SPECC1: variants seen among roughly 807,000 people sequenced by gnomAD.
The protein encoded by SPECC1 is cytospin-B.
Under a neutral mutation model 104.1 loss-of-function variants are expected in SPECC1, and 62 were observed. The ratio of observed to expected loss-of-function variants is 0.60; its 90% CI spans 0.49 to 0.74. The LOEUF (loss-of-function observed/expected upper bound fraction) is 0.74. Among genes scored for constraint, SPECC1 ranks in the 30% least tolerant of loss-of-function variants. The pLI, the probability that SPECC1 is intolerant of heterozygous loss-of-function variation, is 0.00. For missense variants in SPECC1, 1,306 were observed against 1,310.5 expected (o/e 1.00, Z 0.05); for synonymous variants, 513 against 501.6 (o/e 1.02, Z -0.30).
intron 1 of SPECC1, among the ~76,000 whole-genome samples, chr17:20,051,064 TTCTTTTTCTTTCTTTCTTTCTTTCTTTC>T (rs1567813171): frequency 2.3e-5 from 3 of 129,514 alleles, no homozygotes; most frequent in African/African-American, 5.4e-5. Flanking sequence ...CTTTCTTTCT[TTCTTTTTCTTTCTTTCTTTCTTTCTTTC>T]TTTCTTTCTT....
chr17:20,218,846 C>G (rs572341862), intron 4 of SPECC1, among the ~76,000 whole-genome samples: 1 of 152,266 alleles, frequency 6.6e-6, no homozygotes, highest in East Asian at 1.9e-4. Flanking sequence ...TACTCTCTAT[C>G]TTCATGAGTT....
intron 1 of SPECC1, among the ~76,000 whole-genome samples, chr17:20,068,561 A>T (rs1161641756): frequency 6.6e-6 from 1 of 152,192 alleles, no homozygotes; most frequent in Non-Finnish European, 1.5e-5. Context: ...GGACTCCCCA[A>T]ACTGTTTTTC....
At chr17:20,122,007 A>C (rs911332438) in intron 3 of SPECC1, among the ~76,000 whole-genome samples, 1 of 152,242 alleles carries the variant, frequency 6.6e-6, no homozygotes, top group African/African-American at 2.4e-5. Flanking sequence ...CCCTGCCTTC[A>C]TAAAGGTACA....
At chr17:20,026,399 A>G (rs184871022) in intron 1 of SPECC1, among the ~76,000 whole-genome samples, 1 of 152,262 alleles carries the variant, frequency 6.6e-6, no homozygotes, top group African/African-American at 2.4e-5. Context: ...CTCGCCCTAC[A>G]GTTCTATAGA....
chr17:20,074,600 G>A (rs1475992165), intron 1 of SPECC1, among the ~76,000 whole-genome samples: 4 of 152,112 alleles, frequency 2.6e-5, no homozygotes, highest in African/African-American at 9.7e-5. Flanking sequence ...ACCCCTTCTC[G>A]ATAGAATGCT....
intron 1 of SPECC1, among the ~76,000 whole-genome samples, chr17:20,046,174 G>C (rs1180143196): frequency 6.6e-6 from 1 of 151,960 alleles, no homozygotes; most frequent in African/African-American, 2.4e-5. Flanking sequence ...CTTGAACTCT[G>C]GTCTCAAGTG....
At chr17:20,182,803 C>G (rs2034998958) in intron 3 of SPECC1, among the ~76,000 whole-genome samples, 1 of 152,180 alleles carries the variant, frequency 6.6e-6, no homozygotes, top group Non-Finnish European at 1.5e-5. Context: ...GATACCTGCA[C>G]TGCCTGTTAA....
chr17:20,019,855 CACT>C (rs2044302398), intron 1 of SPECC1, among the ~76,000 whole-genome samples: 1 of 37,992 alleles, frequency 2.6e-5, no homozygotes, highest in African/African-American at 1.3e-4. Context: ...GGCCTTTCAT[CACT>C]GGCTTCTTTG....
chr17:20,134,051 A>C (rs551727112), intron 3 of SPECC1, among the ~76,000 whole-genome samples: 1 of 151,692 alleles, frequency 6.6e-6, no homozygotes, highest in African/African-American at 2.4e-5. Flanking sequence ...GTATTACTTC[A>C]TATAATGTTT....
At chr17:20,212,481 A>T (rs1452914502) in intron 4 of SPECC1, among the ~76,000 whole-genome samples, 1 of 152,254 alleles carries the variant, frequency 6.6e-6, no homozygotes, top group Non-Finnish European at 1.5e-5. Flanking sequence ...ATGGTGGCAG[A>T]CAAAATAAGA....
intron 3 of SPECC1, among the ~76,000 whole-genome samples, chr17:20,163,006 C>T (rs1464176795): frequency 6.6e-6 from 1 of 151,746 alleles, no homozygotes; most frequent in East Asian, 1.9e-4. Flanking sequence ...CCAGCTTGGG[C>T]AACAAGAGCA....
chr17:20,028,103 A>G (rs961708477), intron 1 of SPECC1, among the ~76,000 whole-genome samples: 2 of 152,164 alleles, frequency 1.3e-5, no homozygotes, highest in South Asian at 4.1e-4. Context: ...ATATGGTGTG[A>G]TGGAGGGTCC....
At chr17:20,274,341 C>T (rs1480768652) in intron 12 of SPECC1, among the ~76,000 whole-genome samples, 4 of 152,308 alleles carry the variant, frequency 2.6e-5, no homozygotes, top group East Asian at 3.9e-4. Flanking sequence ...TGCGGCACAG[C>T]GCCCTGGGCC....
intron 1 of SPECC1, among the ~76,000 whole-genome samples, chr17:20,057,500 G>A (rs1453332483): frequency 3.9e-5 from 6 of 152,136 alleles, no homozygotes; most frequent in South Asian, 4.2e-4. Context: ...TTTTTTGTTT[G>A]TTTTTGTTTT....
At chr17:20,061,584 A>G (rs991590594) in intron 1 of SPECC1, among the ~76,000 whole-genome samples, 1 of 152,236 alleles carries the variant, frequency 6.6e-6, no homozygotes, top group East Asian at 1.9e-4. Flanking sequence ...ATAAACAAGT[A>G]AATCCCCTAG....
At chr17:20,249,573 G>A (rs566880437) in intron 9 of SPECC1, among the ~76,000 whole-genome samples, 43 of 152,224 alleles carry the variant, frequency 2.8e-4, no homozygotes, top group African/African-American at 8.9e-4. Flanking sequence ...GATTAATGCT[G>A]TCAACAAAAT....
intron 3 of SPECC1, among the ~76,000 whole-genome samples, chr17:20,143,319 G>A (rs972377508): frequency 6.6e-6 from 1 of 151,376 alleles, no homozygotes; most frequent in African/African-American, 2.4e-5. Flanking sequence ...CCAGGAAGTC[G>A]AGGCTGTAGT....
At chr17:20,092,831 A>G (rs2047461848) in intron 1 of SPECC1, among the ~76,000 whole-genome samples, 1 of 152,214 alleles carries the variant, frequency 6.6e-6, no homozygotes, top group Admixed American at 6.5e-5. Context: ...CATGTTCAGA[A>G]AGCATGGCTG....
intron 3 of SPECC1, among the ~76,000 whole-genome samples, chr17:20,168,803 T>C (rs887197714): frequency 2.0e-5 from 3 of 152,210 alleles, no homozygotes; most frequent in African/African-American, 7.2e-5. Context: ...CAGATATGTA[T>C]GTGTATGCTT....
Sources: gnomAD v4.1 joint callset for allele counts (sites outside exome capture counted in the v4.1 genomes callset) on GRCh38, gnomAD v4.1.1 for gene constraint, MANE v1.5 for transcripts, NCBI Gene and HGNC (gene_info 2026-07-23, HGNC 2026-07-21) for gene names.